Variants in LINGO2 observed in about 807,000 individuals in gnomAD.
LINGO2 encodes leucine-rich repeat and immunoglobulin-like domain-containing nogo receptor-interacting protein 2.
LINGO2 carries 14 observed loss-of-function variants against 30.6 expected under a neutral mutation model. The ratio of observed to expected loss-of-function variants is 0.46; its 90% CI spans 0.30 to 0.72. The LOEUF (loss-of-function observed/expected upper bound fraction) is 0.72, where lower values mean the gene tolerates loss of function less well. Ranked by LOEUF, LINGO2 falls within the 30% of genes least tolerant of loss-of-function variation. The pLI is 0.07. For missense variants in LINGO2, 729 were observed against 751.7 expected (o/e 0.97, Z 0.35); for synonymous variants, 317 against 288.5 (o/e 1.10, Z -1.00).
At chr9:29,195,478 AT>A in the LINGO2 span, among the ~76,000 whole-genome samples, 13 of 151,774 alleles carry the variant, frequency 8.6e-5, no homozygotes, top group Middle Eastern at 3.4e-3. Flanking sequence ...TTATTTTCCA[AT>A]TTTTTTCAAT....
chr9:28,267,129 G>A (rs1316621553), intron 4 of LINGO2, among the ~76,000 whole-genome samples: 1 of 152,022 alleles, frequency 6.6e-6, no homozygotes, highest in African/African-American at 2.4e-5. Context: ...TTGTAACTAT[G>A]TCTTTCCTGC....
At chr9:28,840,717 T>C in the LINGO2 span, among the ~76,000 whole-genome samples, 2 of 151,986 alleles carry the variant, frequency 1.3e-5, no homozygotes, top group African/African-American at 2.4e-5. Context: ...TAGAATGGCA[T>C]ATCAACTAAT....
the LINGO2 span, among the ~76,000 whole-genome samples, chr9:28,719,037 C>A: frequency 6.6e-6 from 1 of 151,976 alleles, no homozygotes; most frequent in African/African-American, 2.4e-5. Flanking sequence ...TTCTTCACAG[C>A]AAACAACTTG....
At chr9:28,550,867 C>G (rs1177715038) in intron 1 of LINGO2, among the ~76,000 whole-genome samples, 2 of 151,554 alleles carry the variant, frequency 1.3e-5, no homozygotes, top group Admixed American at 1.3e-4. Context: ...ATAATCAATG[C>G]TACATATTAT....
At chr9:27,940,986 G>A in the LINGO2 span, 2 of 143,362 alleles carry the variant, frequency 1.4e-5, no homozygotes, top group Non-Finnish European at 3.1e-5. Context: ...TCAAAACTAT[G>A]CTTATGGGAA....
chr9:28,873,141 G>T, the LINGO2 span, among the ~76,000 whole-genome samples: 4 of 151,976 alleles, frequency 2.6e-5, no homozygotes, highest in Admixed American at 2.0e-4. Flanking sequence ...GGCCGAGGTG[G>T]GCGGATCACT....
At position 28,176,474 on chromosome 9, in the gene LINGO2, A is replaced by T. The variant is rs182518707; in HGVS notation, c.-87+118734T>A. Among the ~76,000 whole-genome samples the T allele has an allele frequency of 2.1e-3, 319 of 152,270 alleles. 2 individuals carry two copies. Among genetic ancestry groups the T allele is most frequent in the Middle Eastern group, 0.017 (5 of 294 alleles). On this transcript the variant is annotated intron_variant, in intron 4 of 5. Coordinates refer to ENST00000379992, the Ensembl canonical transcript of LINGO2. Reference sequence around the variant, plus strand: ...ATTTTCTCCATTAGATGGTTATATCATTGGGGGTAAAATAACCTGTATTTC... The same window carrying T: ...ATTTTCTCCATTAGATGGTTATATCTTTGGGGGTAAAATAACCTGTATTTC...
chr9:28,842,828 T>A, the LINGO2 span, among the ~76,000 whole-genome samples: 1 of 151,942 alleles, frequency 6.6e-6, no homozygotes, highest in Admixed American at 6.5e-5. Context: ...TAATCCCATC[T>A]CTCTGAAGGT....
chr9:28,204,880 G>GT (rs915543079), intron 4 of LINGO2, among the ~76,000 whole-genome samples: 3 of 152,074 alleles, frequency 2.0e-5, no homozygotes, highest in Admixed American at 6.6e-5. Context: ...TAAAGGGGAT[G>GT]TTTTTTTCCT....
At chr9:29,157,312 T>C in the LINGO2 span, among the ~76,000 whole-genome samples, 1 of 152,176 alleles carries the variant, frequency 6.6e-6, no homozygotes, top group Non-Finnish European at 1.5e-5. Context: ...GTTCTACACA[T>C]ATAAAAACAC....
intron 4 of LINGO2, among the ~76,000 whole-genome samples, chr9:28,069,365 C>G (rs1825405934): frequency 6.6e-6 from 1 of 152,128 alleles, no homozygotes. Flanking sequence ...CATAGACATA[C>G]TATGAATGAC....
chr9:28,898,081 C>T, the LINGO2 span, among the ~76,000 whole-genome samples: 1 of 152,000 alleles, frequency 6.6e-6, no homozygotes, highest in Non-Finnish European at 1.5e-5. Flanking sequence ...CCTTCAAAAC[C>T]TGCATTTCTA....
chr9:28,067,148 G>C (rs1825337392), intron 4 of LINGO2, among the ~76,000 whole-genome samples: 1 of 151,994 alleles, frequency 6.6e-6, no homozygotes, highest in East Asian at 1.9e-4. Context: ...ATATTTACAA[G>C]CACAAAATAT....
At chr9:28,022,510 C>T (rs1304644852) in intron 4 of LINGO2, among the ~76,000 whole-genome samples, 1 of 152,128 alleles carries the variant, frequency 6.6e-6, no homozygotes, top group African/African-American at 2.4e-5. Flanking sequence ...TGAAATCCCT[C>T]AGCTTTTGCT....
At chr9:28,253,968 G>A (rs1326649717) in intron 4 of LINGO2, among the ~76,000 whole-genome samples, 6 of 152,048 alleles carry the variant, frequency 3.9e-5, no homozygotes, top group East Asian at 1.9e-4. Context: ...AGTGGGAAGC[G>A]TACTAGTCGG....
chr9:28,432,677 C>G (rs1823726736), intron 2 of LINGO2, among the ~76,000 whole-genome samples: 1 of 152,084 alleles, frequency 6.6e-6, no homozygotes. Flanking sequence ...TCTCTATTTT[C>G]TTTGCATTTA....
intron 1 of LINGO2, among the ~76,000 whole-genome samples, chr9:28,513,178 G>A (rs962023607): frequency 2.7e-5 from 4 of 149,702 alleles, no homozygotes; most frequent in Admixed American, 1.3e-4. Context: ...CAACAAACAG[G>A]CAAAAAAACA....
At chr9:28,774,836 A>G in the LINGO2 span, among the ~76,000 whole-genome samples, 1 of 81,486 alleles carries the variant, frequency 1.2e-5, no homozygotes, top group African/African-American at 5.0e-5. Flanking sequence ...CAAATTAATA[A>G]TAAGGAAAAT....
At chr9:28,851,372 T>C in the LINGO2 span, among the ~76,000 whole-genome samples, 1 of 152,076 alleles carries the variant, frequency 6.6e-6, no homozygotes, top group Non-Finnish European at 1.5e-5. Flanking sequence ...CATTTCATAT[T>C]GCTGCCTCTC....
Sources: gnomAD v4.1 joint callset for allele counts (sites outside exome capture counted in the v4.1 genomes callset) on GRCh38, gnomAD v4.1.1 for gene constraint, MANE v1.5 for transcripts, NCBI Gene and HGNC (gene_info 2026-07-23, HGNC 2026-07-21) for gene names.